MECOM: variants seen among roughly 807,000 people sequenced by gnomAD.
The protein encoded by MECOM is MDS1 and EVI1 complex locus.
A neutral mutation model predicts 116.3 loss-of-function variants in MECOM; 13 were observed. That is an observed-to-expected ratio of 0.11 (90% CI 0.07 to 0.18). The LOEUF (loss-of-function observed/expected upper bound fraction) is 0.18. Among genes scored for constraint, MECOM ranks in the 10% least tolerant of loss-of-function variants. The probability of loss-of-function intolerance (pLI) is 1.00; values close to 1 mark genes in which losing one functional copy is unlikely to be tolerated. For missense variants in MECOM, 1,299 were observed against 1,509.0 expected, an observed-to-expected ratio of 0.86 and a Z score of 2.31; for synonymous variants, 528 against 535.2, an observed-to-expected ratio of 0.99 and a Z score of 0.19.
rs1336026954 is a variant in MECOM, at chr3:169,085,022, G to A, written c.3607C>T (p.Leu1203=). ...KSQAYAMMLS[L]SDKESLHSTS... ...GAATGGAGGGACTCCTTGTCAGACA[G>A]TGACAGCATCATAGCATATGCCTGG... The change falls in exon 17 of 17, where the codon CTG becomes TTG. Residue 1203 remains leucine (L), a synonymous_variant. Coordinates refer to ENST00000651503, the MANE Select transcript of MECOM (RefSeq NM_004991.4). 2.5e-6 allele frequency: 4 copies of A among 1,614,016 alleles called. No homozygotes were observed. Among genetic ancestry groups the A allele is most frequent in the Non-Finnish European group, 3.4e-6 (4 of 1,179,992 alleles).
intron 1 of MECOM, among the ~76,000 whole-genome samples, chr3:169,438,747 G>A (rs1054688505): frequency 6.6e-6 from 1 of 152,082 alleles, no homozygotes; most frequent in Non-Finnish European, 1.5e-5. Context: ...AGGTACTATC[G>A]GGTTTTCTTG....
chr3:169,335,627 A>C (rs1238656160), intron 2 of MECOM, among the ~76,000 whole-genome samples: 5 of 152,206 alleles, frequency 3.3e-5, no homozygotes, highest in African/African-American at 1.2e-4. Context: ...AGATGACTTC[A>C]GAACCCCACA....
intron 1 of MECOM, among the ~76,000 whole-genome samples, chr3:169,632,853 G>A (rs1456897782): frequency 1.3e-5 from 2 of 152,186 alleles, no homozygotes; most frequent in Non-Finnish European, 2.9e-5. Flanking sequence ...GAAAAGGCTT[G>A]GATGGACTTC....
At chr3:169,413,994 C>G (rs1738063145) in intron 1 of MECOM, among the ~76,000 whole-genome samples, 1 of 152,244 alleles carries the variant, frequency 6.6e-6, no homozygotes, top group African/African-American at 2.4e-5. Context: ...CCTGCCTGCT[C>G]TGAAGAGAGC....
chr3:169,133,980 A>G (rs991830959), intron 3 of MECOM: 8 of 1,288,690 alleles, frequency 6.2e-6, no homozygotes, highest in African/African-American at 6.1e-5. Context: ...TGACATTTGA[A>G]TTGTGACATA....
chr3:169,553,167 C>G (rs1467636696), intron 1 of MECOM, among the ~76,000 whole-genome samples: 1 of 151,856 alleles, frequency 6.6e-6, no homozygotes, highest in Non-Finnish European at 1.5e-5. Context: ...TTCATGATAT[C>G]TCATTCAATC....
chr3:169,167,344 A>AT (rs1743752463), intron 2 of MECOM, among the ~76,000 whole-genome samples: 1 of 152,110 alleles, frequency 6.6e-6, no homozygotes. Flanking sequence ...ACTGCAAGCC[A>AT]TTGGGCTTTC....
chr3:169,298,636 C>T (rs555037841), intron 2 of MECOM, among the ~76,000 whole-genome samples: 1 of 152,088 alleles, frequency 6.6e-6, no homozygotes, highest in Non-Finnish European at 1.5e-5. Flanking sequence ...GATTCCATCT[C>T]CATTCTAAGA....
At chr3:169,476,066 T>C (rs964159902) in intron 1 of MECOM, among the ~76,000 whole-genome samples, 1 of 152,190 alleles carries the variant, frequency 6.6e-6, no homozygotes, top group African/African-American at 2.4e-5. Flanking sequence ...GAGAAATTAA[T>C]ACTTTGATGA....
chr3:169,259,427 T>C (rs1180683953), intron 2 of MECOM, among the ~76,000 whole-genome samples: 1 of 152,216 alleles, frequency 6.6e-6, no homozygotes, highest in Non-Finnish European at 1.5e-5. Flanking sequence ...CTTTATTTCT[T>C]CTGGCCAAAT....
intron 2 of MECOM, among the ~76,000 whole-genome samples, chr3:169,276,145 G>T (rs147536199): frequency 3.3e-5 from 5 of 152,154 alleles, no homozygotes; most frequent in Non-Finnish European, 7.4e-5. Flanking sequence ...TTTTGAAAGT[G>T]GGGGGTAAAA....
intron 2 of MECOM, among the ~76,000 whole-genome samples, chr3:169,216,302 C>T (rs1295714446): frequency 1.3e-5 from 2 of 152,122 alleles, no homozygotes; most frequent in Non-Finnish European, 2.9e-5. Context: ...TTTTTTCTCA[C>T]TAGGTTTACT....
intron 2 of MECOM, among the ~76,000 whole-genome samples, chr3:169,272,460 A>T (rs2149658598): frequency 6.6e-6 from 1 of 152,298 alleles, no homozygotes; most frequent in South Asian, 2.1e-4. Context: ...TGTCCCCAGA[A>T]TGTTTTGAGG....
intron 1 of MECOM, among the ~76,000 whole-genome samples, chr3:169,607,348 C>T (rs1316704117): frequency 6.6e-6 from 1 of 152,058 alleles, no homozygotes; most frequent in Non-Finnish European, 1.5e-5. Context: ...TTTCTTAAAG[C>T]CAATGTCTCT....
chr3:169,259,329 A>C (rs1208425986), intron 2 of MECOM, among the ~76,000 whole-genome samples: 2 of 152,228 alleles, frequency 1.3e-5, no homozygotes, highest in African/African-American at 2.4e-5. Flanking sequence ...CTCAAATCTT[A>C]CGTTATACAG....
chr3:169,419,150 A>G (rs1000397653), intron 1 of MECOM, among the ~76,000 whole-genome samples: 3 of 152,176 alleles, frequency 2.0e-5, no homozygotes, highest in Non-Finnish European at 2.9e-5. Flanking sequence ...CATAATTGCT[A>G]CAAAGAGAAT....
intron 7 of MECOM, among the ~76,000 whole-genome samples, chr3:169,117,541 C>T (rs993845061): frequency 4.5e-4 from 69 of 152,166 alleles, no homozygotes; most frequent in Admixed American, 3.5e-3. Flanking sequence ...ATGAAAACCC[C>T]GTCCTTGGGA....
intron 2 of MECOM, among the ~76,000 whole-genome samples, chr3:169,291,892 A>T (rs1450088163): frequency 6.6e-6 from 1 of 152,178 alleles, no homozygotes; most frequent in Non-Finnish European, 1.5e-5. Flanking sequence ...TCATGTGAAT[A>T]ATACCACAGG....
chr3:169,457,747 A>G (rs1461059717), intron 1 of MECOM, among the ~76,000 whole-genome samples: 1 of 152,202 alleles, frequency 6.6e-6, no homozygotes, highest in African/African-American at 2.4e-5. Flanking sequence ...CTGTAATGCC[A>G]TCAGTCTTCC....
Sources: gnomAD v4.1 joint callset for allele counts (sites outside exome capture counted in the v4.1 genomes callset) on GRCh38, gnomAD v4.1.1 for gene constraint, MANE v1.5 for transcripts, NCBI Gene and HGNC (gene_info 2026-07-23, HGNC 2026-07-21) for gene names.